The following KIF18A variants were observed in gnomAD, a reference collection of about 807,000 sequenced individuals.
KIF18A encodes kinesin family member 18A.
In KIF18A, 67 loss-of-function variants were observed where a neutral mutation model predicts 103.3. The observed-to-expected ratio is 0.65, with a 90% CI of 0.53 to 0.79. The LOEUF (loss-of-function observed/expected upper bound fraction) is 0.79, where lower values mean the gene tolerates loss of function less well. Among genes scored for constraint, KIF18A ranks in the 30% least tolerant of loss-of-function variants. The pLI, the probability that KIF18A is intolerant of heterozygous loss-of-function variation, is 0.00. For synonymous variants in KIF18A, 367 were observed against 355.5 expected, an observed-to-expected ratio of 1.03 and a Z score of -0.36; for missense variants, 1,032 against 1,062.5, an observed-to-expected ratio of 0.97 and a Z score of 0.40.
chr11:28,106,652 T>C (rs1006165753), intron 1 of KIF18A, among the ~76,000 whole-genome samples: 1 of 152,116 alleles, frequency 6.6e-6, no homozygotes, highest in Non-Finnish European at 1.5e-5. Context: ...AAAAATATTA[T>C]GTATTTGTAA....
chr11:28,058,662 CAAAAAAAAAAAAAAAA>C (rs58273868), intron 13 of KIF18A, among the ~76,000 whole-genome samples: 1 of 64,448 alleles, frequency 1.6e-5, no homozygotes, highest in Non-Finnish European at 2.7e-5. Context: ...ACCCTGTCAC[CAAAAAAAAAAAAAAAA>C]AAAAAAAAAA....
intron 15 of KIF18A, among the ~76,000 whole-genome samples, chr11:28,033,285 T>C (rs560102066): frequency 2.0e-5 from 3 of 151,648 alleles, no homozygotes; most frequent in African/African-American, 4.8e-5. Context: ...ACAACCACTA[T>C]AAAGAAAAGT....
chr11:28,096,262 G>C (rs1851371893), intron 2 of KIF18A, among the ~76,000 whole-genome samples: 1 of 150,068 alleles, frequency 6.7e-6, no homozygotes, highest in Admixed American at 6.6e-5. Flanking sequence ...ACAATAATCA[G>C]TTAAGGCAAT....
chr11:28,046,553 G>C (rs1276740146), intron 13 of KIF18A, among the ~76,000 whole-genome samples: 28 of 133,092 alleles, frequency 2.1e-4, no homozygotes, highest in Non-Finnish European at 3.2e-5. Flanking sequence ...TTGTGGGGTA[G>C]GGGGAGGGGG....
intron 11 of KIF18A, 34 bp downstream of exon 11, chr11:28,069,225 C>A (rs1447541632): frequency 1.9e-6 from 3 of 1,564,818 alleles, no homozygotes; most frequent in East Asian, 2.2e-5. Flanking sequence ...TCAGTTCCTA[C>A]AAATTAAATC....
chr11:28,036,460 G>A lies in KIF18A; in HGVS notation c.2153C>T (p.Ser718Phe), dbSNP rs752921757. ...EDCRKAFQNP[S>F]TVTLMKPSSF... is the part of the protein sequence containing the mutation. ...TGATGGTTTCATTAAGGTTACTGTA[G>A]ACGGATTTTGAAAAGCTTTTCTACA... Residue 718 changes from serine (S) to phenylalanine (F), a missense_variant, in exon 14 of 17, where the codon TCT (serine) becomes TTT (phenylalanine). Ser to Phe is a radical substitution (Grantham distance 155). Transcript: ENST00000263181. The A allele has an allele frequency of 1.2e-6, 2 of 1,610,962 alleles. No individual in the cohort carries two copies. Among genetic ancestry groups the A allele is most frequent in the South Asian group, 2.2e-5 (2 of 91,006 alleles).
At chr11:28,093,538 TATTAAGAGGGTAGAA>T (rs1851329995) in intron 3 of KIF18A, among the ~76,000 whole-genome samples, 1 of 152,146 alleles carries the variant, frequency 6.6e-6, no homozygotes. Context: ...ATTTGTTGAC[TATTAAGAGGGTAGAA>T]GGCCTCAAAG....
intron 12 of KIF18A, among the ~76,000 whole-genome samples, chr11:28,060,976 T>C (rs572213700): frequency 1.3e-5 from 2 of 152,308 alleles, no homozygotes; most frequent in Admixed American, 1.3e-4. Context: ...TCAGGGTTCC[T>C]GCAGACTTTG....
intron 11 of KIF18A, among the ~76,000 whole-genome samples, chr11:28,067,533 CA>C (rs1850950083): frequency 6.6e-6 from 1 of 152,078 alleles, no homozygotes; most frequent in Admixed American, 6.6e-5. Flanking sequence ...ATCCATTCCC[CA>C]GTCATAATGC....
chr11:28,088,502 C>A (rs777306187), intron 6 of KIF18A, 22 bp downstream of exon 6: 1 of 1,582,278 alleles, frequency 6.3e-7, no homozygotes, highest in Admixed American at 1.7e-5. Flanking sequence ...AACTATTTAA[C>A]AAATAAACAT....
intron 13 of KIF18A, among the ~76,000 whole-genome samples, chr11:28,037,589 T>C (rs570562227): frequency 2.0e-5 from 3 of 151,624 alleles, no homozygotes; most frequent in Non-Finnish European, 3.0e-5. Flanking sequence ...CCCCAGGATA[T>C]TGAGAGAAAA....
intron 9 of KIF18A, among the ~76,000 whole-genome samples, chr11:28,080,629 G>A (rs546756332): frequency 6.6e-6 from 1 of 152,132 alleles, no homozygotes; most frequent in Admixed American, 6.5e-5. Context: ...TCCACTGACT[G>A]GCTGTTTCCC....
chr11:28,076,784 AT>A (rs1335493943), intron 10 of KIF18A: 1 of 236,784 alleles, frequency 4.2e-6, no homozygotes, highest in Non-Finnish European at 8.0e-6. Flanking sequence ...AAATACAAAA[AT>A]TAGCTGGGCG....
chr11:28,028,066 A>C (rs1157747833), intron 15 of KIF18A, among the ~76,000 whole-genome samples: 1 of 152,080 alleles, frequency 6.6e-6, no homozygotes, highest in Non-Finnish European at 1.5e-5. Context: ...AATGTGATAC[A>C]TTGTATCAAT....
intron 6 of KIF18A, among the ~76,000 whole-genome samples, chr11:28,088,101 C>G (rs1228834684): frequency 2.0e-5 from 3 of 151,806 alleles, no homozygotes; most frequent in Admixed American, 6.6e-5. Context: ...AAAATCAACA[C>G]TCTTTAATAC....
intron 5 of KIF18A, among the ~76,000 whole-genome samples, chr11:28,090,304 T>C (rs573776606): frequency 1.1e-4 from 17 of 152,320 alleles, no homozygotes; most frequent in African/African-American, 3.6e-4. Flanking sequence ...TCTAGATTTA[T>C]AGAGATAAGT....
chr11:28,039,201 A>AAT (rs1850529646), intron 13 of KIF18A, among the ~76,000 whole-genome samples: 1 of 151,730 alleles, frequency 6.6e-6, no homozygotes, highest in African/African-American at 2.4e-5. Flanking sequence ...TAGAAATGCA[A>AAT]ATATGTTTCA....
At chr11:28,029,557 A>C (rs11030192) in intron 15 of KIF18A, among the ~76,000 whole-genome samples, 37 of 150,792 alleles carry the variant, frequency 2.5e-4, no homozygotes, top group East Asian at 2.0e-3. Context: ...TCTATGACAA[A>C]CCCACAGCCA....
chr11:28,036,778 T>A (rs1312345452), intron 13 of KIF18A, 114 bp from the exon 14 acceptor site: 18 of 590,950 alleles, frequency 3.0e-5, no homozygotes, highest in Non-Finnish European at 4.9e-5. Context: ...TGCCAATTGA[T>A]AAAAATCTGA....
Sources: gnomAD v4.1 joint callset for allele counts (sites outside exome capture counted in the v4.1 genomes callset) on GRCh38, gnomAD v4.1.1 for gene constraint, MANE v1.5 for transcripts, NCBI Gene and HGNC (gene_info 2026-07-23, HGNC 2026-07-21) for gene names.